The following CENPE variants were observed in gnomAD, a reference collection of about 807,000 sequenced individuals.
The protein encoded by CENPE is centromere protein E.
CENPE carries 145 observed loss-of-function variants against 336.1 expected under a neutral mutation model. The observed-to-expected ratio is 0.43, with a 90% CI of 0.38 to 0.50. CENPE has a LOEUF of 0.50. CENPE is among the 20% of genes least tolerant of loss of function. CENPE has a pLI of 0.00. For synonymous variants in CENPE, 1,013 were observed against 984.8 expected (o/e 1.03, Z -0.54); for missense variants, 2,719 against 3,023.3 (o/e 0.90, Z 2.36).
At chr4:103,186,373 A>T (rs1421590322) in intron 8 of CENPE, among the ~76,000 whole-genome samples, 1 of 152,218 alleles carries the variant, frequency 6.6e-6, no homozygotes, top group Non-Finnish European at 1.5e-5. Flanking sequence ...CCTCCCCGCC[A>T]GATTTCAGAT....
At chr4:103,183,784 C>T (rs1356782837) in intron 9 of CENPE, among the ~76,000 whole-genome samples, 1 of 150,120 alleles carries the variant, frequency 6.7e-6, no homozygotes. Flanking sequence ...CAGGAAACCA[C>T]TGTTATTAGT....
chr4:103,132,807 CTG>C lies in CENPE; in HGVS notation c.6808_6809del (p.Gln2270ValfsTer11), dbSNP rs781458950. 6 of 1,582,670 alleles carry C rather than the reference CTG, an allele frequency of 3.8e-6. No homozygotes were observed. The highest frequency in any genetic ancestry group is 5.2e-6 in the Non-Finnish European group (6 of 1,157,814). ...GAGTATTTAACCACTCTTCCAAAAA[CTG>C]TGTCATTTCTTTCCTATTACTTAGT... ...QVLSNRKEMT[Q>X]FLEEWLNTRF... is the part of the protein sequence containing the mutation. On this transcript the variant is annotated frameshift_variant, in exon 42 of 49. Coordinates refer to ENST00000265148, the MANE Select transcript of CENPE (RefSeq NM_001813.3). LOFTEE classifies it high-confidence loss of function.
At chr4:103,147,750 G>GT in intron 28 of CENPE, 104 bp from the exon 29 acceptor site, 2 of 968,442 alleles carry the variant, frequency 2.1e-6, no homozygotes, top group Non-Finnish European at 3.0e-6. Flanking sequence ...TGGGAGTGCA[G>GT]TGGCGCAATC....
intron 46 of CENPE, among the ~76,000 whole-genome samples, chr4:103,111,823 G>C (rs1181101077): frequency 6.6e-6 from 1 of 151,858 alleles, no homozygotes; most frequent in East Asian, 1.9e-4. Context: ...GCTACAACAG[G>C]TACTAGGTAA....
intron 46 of CENPE, among the ~76,000 whole-genome samples, chr4:103,112,613 TATATATACTTGTAAGTATATATAAGTGG>T: frequency 7.7e-6 from 1 of 130,604 alleles, no homozygotes; most frequent in African/African-American, 3.3e-5. Flanking sequence ...TATAAGTCTG[TATATATACTTGTAAGTATATATAAGTGG>T]ATATATACTT....
intron 40 of CENPE, among the ~76,000 whole-genome samples, chr4:103,134,295 G>C (rs533243680): frequency 6.6e-6 from 1 of 152,068 alleles, no homozygotes; most frequent in South Asian, 2.1e-4. Context: ...ATCCTCTCCT[G>C]CCAACGCTGA....
chr4:103,162,246 T>TA (rs959765368), intron 18 of CENPE, among the ~76,000 whole-genome samples: 1 of 151,620 alleles, frequency 6.6e-6, no homozygotes, highest in African/African-American at 2.4e-5. Context: ...TAACAAAAAC[T>TA]AAAAAACTCA....
rs551665813 is a variant in CENPE at position 103,178,689 on chromosome 4, C to T, written c.1242+1622G>A. On this transcript the variant is annotated intron_variant, in intron 13 of 48. Transcript: ENST00000265148. ...TTTTGTCCATCTTTATCTTATTTAA[C>T]TTCTCAGCAGAATATGACACTGCTG... Among the ~76,000 whole-genome samples the T allele has an allele frequency of 1.4e-4, 22 of 152,270 alleles. No homozygotes were observed. In the East Asian group the frequency reaches 3.9e-3, roughly 27 times the overall value.
intron 42 of CENPE, among the ~76,000 whole-genome samples, chr4:103,123,570 G>A (rs2125872785): frequency 6.6e-6 from 1 of 152,252 alleles, no homozygotes; most frequent in East Asian, 1.9e-4. Flanking sequence ...AAGATCTATG[G>A]TTAGAATGAA....
chr4:103,122,137 C>A (rs1750686158), intron 43 of CENPE, among the ~76,000 whole-genome samples: 1 of 152,152 alleles, frequency 6.6e-6, no homozygotes, highest in Non-Finnish European at 1.5e-5. Flanking sequence ...TCTGTAGCAG[C>A]TGACTGAGGT....
intron 47 of CENPE, 21 bp from the exon 48 acceptor site, chr4:103,109,110 A>G: frequency 6.3e-7 from 1 of 1,585,798 alleles, no homozygotes. Flanking sequence ...GGGGAAGAAA[A>G]GAGAGACTGT....
At chr4:103,124,847 G>T (rs1750956253) in intron 42 of CENPE, among the ~76,000 whole-genome samples, 1 of 152,048 alleles carries the variant, frequency 6.6e-6, no homozygotes, top group Non-Finnish European at 1.5e-5. Flanking sequence ...TGACACCCTG[G>T]ACACTCCTTG....
intron 46 of CENPE, among the ~76,000 whole-genome samples, chr4:103,111,900 C>T: frequency 6.6e-6 from 1 of 151,900 alleles, no homozygotes; most frequent in South Asian, 2.1e-4. Context: ...CAAATATCAT[C>T]TTATGTTTTG....
At position 103,158,475 on chromosome 4, in the gene CENPE, T is replaced by A; in HGVS notation, c.2875-17A>T. On this transcript the variant is annotated splice_polypyrimidine_tract_variant and intron_variant, in intron 23 of 48. Coordinates refer to ENST00000265148, the MANE Select transcript of CENPE (RefSeq NM_001813.3). ...ATCTATATTCTTTGTTAGAAAAATA[T>A]AAAAACAATTTCCATTAGAATATGA... 2 of 1,527,988 alleles carry A rather than the reference T, an allele frequency of 1.3e-6. No individual in the cohort carries two copies. The highest frequency in any genetic ancestry group is 1.8e-6 in the Non-Finnish European group (2 of 1,138,724). The allele number at this position is 1,527,988 out of a possible 1,614,324, so 94.7% of individuals were successfully genotyped here.
intron 15 of CENPE, 135 bp downstream of exon 15, chr4:103,175,824 AG>A: frequency 3.8e-6 from 2 of 526,710 alleles, no homozygotes; most frequent in Non-Finnish European, 6.6e-6. Context: ...GTTATAGAGT[AG>A]AAATGTAAAG....
At chr4:103,151,936 G>A (rs1753603365) in intron 25 of CENPE, among the ~76,000 whole-genome samples, 1 of 152,148 alleles carries the variant, frequency 6.6e-6, no homozygotes. Context: ...CTCTTTTGAT[G>A]AAGGAGACAA....
chr4:103,112,339 TTA>T (rs1340592453), intron 46 of CENPE, among the ~76,000 whole-genome samples: 1 of 143,610 alleles, frequency 7.0e-6, no homozygotes, highest in East Asian at 2.0e-4. Flanking sequence ...ATATATACAC[TTA>T]TATATAAGTA....
At chr4:103,182,927 G>A in intron 10 of CENPE, 36 bp from the exon 11 acceptor site, 2 of 1,594,114 alleles carry the variant, frequency 1.3e-6, no homozygotes, top group Non-Finnish European at 1.7e-6. Flanking sequence ...GAAAAAGATT[G>A]AGAACGTTTA....
chr4:103,178,755 T>C (rs186139126), intron 13 of CENPE, among the ~76,000 whole-genome samples: 1 of 152,246 alleles, frequency 6.6e-6, no homozygotes, highest in Non-Finnish European at 1.5e-5. Context: ...TTAGCTACCA[T>C]ATTCACTAGG....
Sources: allele counts gnomAD v4.1 joint callset (sites outside exome capture counted in the v4.1 genomes callset), GRCh38; gene constraint gnomAD v4.1.1; transcripts MANE v1.5; gene names NCBI Gene and HGNC (gene_info 2026-07-23, HGNC 2026-07-21).